The following PRC1 variants were observed in gnomAD, a reference collection of about 807,000 sequenced individuals.
PRC1 encodes anaphase spindle elongation 1 homolog.
A neutral mutation model predicts 91.2 loss-of-function variants in PRC1; 54 were observed. The observed-to-expected ratio is 0.59, with a 90% CI of 0.48 to 0.74. PRC1 has a LOEUF of 0.74. Ranked by LOEUF, PRC1 falls within the 30% of genes least tolerant of loss-of-function variation. The pLI is 0.00. For missense variants in PRC1, 727 were observed against 746.2 expected (o/e 0.97, Z 0.30); for synonymous variants, 275 against 263.6 (o/e 1.04, Z -0.42).
intron 13 of PRC1, 21 bp downstream of exon 13, chr15:90,969,426 A>G: frequency 6.4e-7 from 1 of 1,574,280 alleles, no homozygotes; most frequent in Non-Finnish European, 8.6e-7. Flanking sequence ...AGACTGGTAG[A>G]TATTAGAAAA....
chr15:90,980,958 A>G lies in PRC1; in HGVS notation c.748T>C (p.Leu250=). ...RTQIRELWDR[L]QIPEEEREAV... ...TCTCTTTCTTCTTCAGGTATTTGCA[A>G]CCTGTCCCAGAGCTCTCGGATTTGA... Residue 250 remains leucine, a synonymous_variant, in exon 6 of 15, where the codon TTG becomes CTG. Transcript: ENST00000394249. 1 of 1,614,114 alleles carries G rather than the reference A, an allele frequency of 6.2e-7. No homozygotes were observed. Among genetic ancestry groups the G allele is most frequent in the Non-Finnish European group, 8.5e-7 (1 of 1,180,016 alleles).
At chr15:90,981,157 A>G (rs2151536957) in intron 5 of PRC1, 124 bp from the exon 6 acceptor site, 1 of 1,255,918 alleles carries the variant, frequency 8.0e-7, no homozygotes, top group Non-Finnish European at 1.1e-6. Flanking sequence ...TCAAAGTAGC[A>G]TGTTTTCATG....
chr15:90,981,148 C>G, intron 5 of PRC1, 115 bp from the exon 6 acceptor site: 1 of 1,378,912 alleles, frequency 7.3e-7, no homozygotes, highest in Non-Finnish European at 9.8e-7. Context: ...CATGAGAGTT[C>G]AAAGTAGCAT....
At chr15:90,975,134 C>A (rs2038559317) in intron 9 of PRC1, among the ~76,000 whole-genome samples, 1 of 152,198 alleles carries the variant, frequency 6.6e-6, no homozygotes, top group Non-Finnish European at 1.5e-5. Flanking sequence ...TTGAGACAGT[C>A]TCACTCTGTC....
At chr15:90,973,619 T>C (rs573073952) in intron 11 of PRC1, among the ~76,000 whole-genome samples, 1 of 152,210 alleles carries the variant, frequency 6.6e-6, no homozygotes, top group Admixed American at 6.5e-5. Context: ...CGTACGTACC[T>C]ATGTTCGTTC....
chr15:90,966,193 T>TG lies in PRC1; in HGVS notation c.*937_*938insC, dbSNP rs1383172965. 5.2e-6 allele frequency: 1 copy of TG among 191,930 alleles called. No homozygotes were observed. The highest frequency in any genetic ancestry group is 1.4e-4 in the East Asian group (1 of 7,204). The allele number at this position is 191,930 out of a possible 1,614,324, so 11.9% of individuals were successfully genotyped here. A position where few individuals can be genotyped will look rare whatever the true frequency, so the allele number is the denominator to read the frequency against. On this transcript the variant is annotated 3_prime_UTR_variant, in exon 15 of 15. Coordinates refer to ENST00000394249, the MANE Select transcript of PRC1 (RefSeq NM_003981.4). ...ACCATTTACACTATGTTGACAGTAG[T>TG]ACTGCTGCAGGCAGACAGCGGAAGA...
chr15:90,981,771 CAT>C lies in PRC1; in HGVS notation c.476_477del (p.His159ArgfsTer11), dbSNP rs781636971. ...ACCTTTGTTTCCCTCAAAGTTGTCA[CAT>C]GTTGCCTGAACTGGTTCAGCTCTTC... ...SLEELNQFRQ[H>X]VTTLRETKAS... On this transcript the variant is annotated frameshift_variant, in exon 4 of 15. Coordinates refer to ENST00000394249, the MANE Select transcript of PRC1 (RefSeq NM_003981.4). LOFTEE classifies it high-confidence loss of function. The C allele has an allele frequency of 1.2e-6, 2 of 1,612,692 alleles. No individual in the cohort carries two copies. Among genetic ancestry groups the C allele is most frequent in the South Asian group, 1.1e-5 (1 of 90,898 alleles).
intron 1 of PRC1, among the ~76,000 whole-genome samples, chr15:90,990,781 T>C (rs1337647300): frequency 1.3e-5 from 2 of 151,628 alleles, no homozygotes; most frequent in African/African-American, 4.9e-5. Flanking sequence ...TTGGTTTCTT[T>C]TTTTTTTCTT....
At position 90,984,417 on chromosome 15, in the gene PRC1, C is replaced by T. The variant is rs144678606; in HGVS notation, c.144+276G>A. Among the ~76,000 whole-genome samples the T allele has an allele frequency of 1.6e-3, 238 of 152,096 alleles. No homozygotes were observed. Among genetic ancestry groups the T allele is most frequent in the Non-Finnish European group, 2.6e-3 (175 of 67,970 alleles). On this transcript the variant is annotated intron_variant, in intron 2 of 14. Transcript: ENST00000394249. The surrounding 1 kb of genome is among the most constrained non-coding windows in gnomAD (Gnocchi z 5.1). ...CTAATTTTTTTATTTTTAGTAGAGACGGAGGTTCACCATGTTGATCAGGCT... is the reference window on the plus strand; with the variant it reads ...CTAATTTTTTTATTTTTAGTAGAGATGGAGGTTCACCATGTTGATCAGGCT...
intron 1 of PRC1, among the ~76,000 whole-genome samples, chr15:90,993,164 T>C (rs1024724148): frequency 2.1e-5 from 3 of 145,882 alleles, no homozygotes; most frequent in African/African-American, 5.0e-5. Flanking sequence ...CTTCATTCAA[T>C]CCCTTGATAG....
intron 6 of PRC1, 101 bp from the exon 7 acceptor site, chr15:90,980,490 A>T (rs80061569): frequency 8.1e-7 from 1 of 1,239,032 alleles, no homozygotes; most frequent in Non-Finnish European, 1.1e-6. Context: ...ATGCAAAGCC[A>T]CAAAGGTATT....
chr15:90,976,626 G>C lies in PRC1; in HGVS notation c.1203+50C>G, dbSNP rs753971029. 6 of 1,361,608 alleles carry C rather than the reference G, an allele frequency of 4.4e-6. 1 individual carries two copies. Among genetic ancestry groups the C allele is most frequent in the South Asian group, 2.4e-5 (2 of 82,148 alleles). The allele number at this position is 1,361,608 out of a possible 1,614,324, so 84.3% of individuals were successfully genotyped here. On this transcript the variant is annotated intron_variant, in intron 9 of 14. Transcript: ENST00000394249. ...ATAGAAAGAAAAAGACATACAAATAGTGAGGTATCTTTGTAACCAAGCATC... is the reference window on the plus strand; with the variant it reads ...ATAGAAAGAAAAAGACATACAAATACTGAGGTATCTTTGTAACCAAGCATC...
At chr15:90,994,379 G>A (rs2040172829) in intron 1 of PRC1, 28 bp downstream of exon 1, 2 of 1,610,786 alleles carry the variant, frequency 1.2e-6, no homozygotes, top group East Asian at 2.2e-5. Flanking sequence ...TCCCTCCCGC[G>A]TCCCCTCGAT....
In PRC1 at chr15:90,974,837, G is replaced by A. The variant is rs2038531456; in HGVS notation, c.1204-106C>T. The A allele has an allele frequency of 7.3e-7, 1 of 1,378,892 alleles. No individual in the cohort carries two copies. Among genetic ancestry groups the A allele is most frequent in the Admixed American group, 1.8e-5 (1 of 56,492 alleles). The allele number at this position is 1,378,892 out of a possible 1,614,324, so 85.4% of individuals were successfully genotyped here. A position where few individuals can be genotyped will look rare whatever the true frequency, so the allele number is the denominator to read the frequency against. On this transcript the variant is annotated intron_variant, in intron 9 of 14. Coordinates refer to ENST00000394249, the MANE Select transcript of PRC1 (RefSeq NM_003981.4). This position sits in a 1 kb window ranked among gnomAD's most constrained non-coding sequence, Gnocchi z 4.6. ...ACTCCTCCTCCCCAGAGCATCATTA[G>A]CCTCATTTCAGGTAGCTGGGCCCAC... is the stretch of plus-strand genomic sequence containing the variant.
rs1567212050 is a variant in PRC1, at chr15:90,994,521, G to A, written c.-104C>T. On this transcript the variant is annotated 5_prime_UTR_variant, in exon 1 of 15. Coordinates refer to ENST00000394249, the MANE Select transcript of PRC1 (RefSeq NM_003981.4). ...ACCGGCGATGTCACTCCGCGTAGCC[G>A]CTCCGCGAGCCGTTGAGCCCCGCAA... 4 of 1,402,030 alleles carry A rather than the reference G, an allele frequency of 2.9e-6. No homozygotes were observed. Among genetic ancestry groups the A allele is most frequent in the African/African-American group, 2.9e-5 (2 of 68,032 alleles). 86.8% of individuals were successfully genotyped at this position (1,402,030 alleles called of 1,614,324 possible). A position where few individuals can be genotyped will look rare whatever the true frequency, so the allele number is the denominator to read the frequency against.
rs182082362 is a variant in PRC1, at chr15:90,990,888, C to T, written c.11+3519G>A. The stretch of plus-strand genomic sequence containing the variant: ...CTGCCTTCTGGGATCAAGCGATTCT[C>T]CTGCCTCAGCCTCCTGAGTAGCTGG... On this transcript the variant is annotated intron_variant, in intron 1 of 14. Coordinates refer to ENST00000394249, the MANE Select transcript of PRC1 (RefSeq NM_003981.4). 8.5e-3 allele frequency among the ~76,000 whole-genome samples: 1,293 copies of T among 151,806 alleles called. 24 individuals are homozygous for T. The highest frequency in any genetic ancestry group is 0.03 in the African/African-American group (1,223 of 41,408).
intron 5 of PRC1, 152 bp from the exon 6 acceptor site, chr15:90,981,185 G>A (rs928333329): frequency 1.9e-5 from 20 of 1,050,272 alleles, no homozygotes; most frequent in Middle Eastern, 3.1e-4. Context: ...AACACGAGCT[G>A]TAAGGCTGTC....
rs763756366 is a variant in PRC1 at position 90,978,646 on chromosome 15, G to A, written c.1107+512C>T. On this transcript the variant is annotated intron_variant, in intron 8 of 14. Coordinates refer to ENST00000394249, the MANE Select transcript of PRC1 (RefSeq NM_003981.4). ...TGCATGCCTGTAATCCCAGCTACTTGGGAGGCTGAGGTAGGAGAATCACTT... is the reference window on the plus strand; with the variant it reads ...TGCATGCCTGTAATCCCAGCTACTTAGGAGGCTGAGGTAGGAGAATCACTT... Among the ~76,000 whole-genome samples, 12 of 151,646 alleles carry A rather than the reference G, an allele frequency of 7.9e-5. 1 individual carries two copies. The highest frequency in any genetic ancestry group is 1.6e-4 in the Non-Finnish European group (11 of 67,956).
chr15:90,984,275 C>T lies in PRC1; in HGVS notation c.145-135G>A. 2.4e-6 allele frequency: 3 copies of T among 1,256,494 alleles called. No individual in the cohort carries two copies. Among genetic ancestry groups the T allele is most frequent in the Non-Finnish European group, 3.3e-6 (3 of 912,294 alleles). 77.8% of individuals were successfully genotyped at this position (1,256,494 alleles called of 1,614,324 possible). On this transcript the variant is annotated intron_variant, in intron 2 of 14. Coordinates refer to ENST00000394249, the MANE Select transcript of PRC1 (RefSeq NM_003981.4). This position sits in a 1 kb window ranked among gnomAD's most constrained non-coding sequence, Gnocchi z 5.1. ...ATGGAGTCTCGCTCTGTTGCCCAGGCTGGAGTGCAATGGCGTGCTTTCGGC... is the reference window on the plus strand; with the variant it reads ...ATGGAGTCTCGCTCTGTTGCCCAGGTTGGAGTGCAATGGCGTGCTTTCGGC...
Sources: allele counts gnomAD v4.1 joint callset (sites outside exome capture counted in the v4.1 genomes callset), GRCh38; gene constraint gnomAD v4.1.1; non-coding constraint Gnocchi (gnomAD v3.1); transcripts MANE v1.5; gene names NCBI Gene and HGNC (gene_info 2026-07-23, HGNC 2026-07-21).